KCNIP4: variants seen among roughly 807,000 people sequenced by gnomAD.
The protein encoded by KCNIP4 is Kv channel-interacting protein 4.
A neutral mutation model predicts 34.0 loss-of-function variants in KCNIP4; 12 were observed. The ratio of observed to expected loss-of-function variants is 0.35; its 90% confidence interval spans 0.23 to 0.57. KCNIP4 has a LOEUF of 0.57. KCNIP4 is among the 20% of genes least tolerant of loss of function. KCNIP4 has a pLI of 0.83. For missense variants in KCNIP4, 238 were observed against 311.7 expected (o/e 0.76, Z 1.78); for synonymous variants, 124 against 102.2 (o/e 1.21, Z -1.29).
In KCNIP4 at chr4:21,108,113, C is replaced by T. The variant is rs771308800; in HGVS notation, c.62-225404G>A. 7.9e-5 allele frequency among the ~76,000 whole-genome samples: 12 copies of T among 151,248 alleles called. 1 individual carries two copies. The highest frequency in any genetic ancestry group is 2.5e-4 in the African/African-American group (10 of 40,660). On this transcript the variant is annotated intron_variant, in intron 1 of 8. Coordinates refer to ENST00000382152, the MANE Select transcript of KCNIP4 (RefSeq NM_025221.6). ...CTCTTCTTGAGGAGTATCTTTGTGG[C>T]GTTCTCTGTATTTCCTGTATCTGAA... is the stretch of plus-strand genomic sequence containing the variant.
At chr4:21,543,047 A>C (rs1737836584) in intron 1 of KCNIP4, among the ~76,000 whole-genome samples, 1 of 152,044 alleles carries the variant, frequency 6.6e-6, no homozygotes, top group African/African-American at 2.4e-5. Flanking sequence ...ACTAAAGGAA[A>C]TCAATAGACA....
At chr4:21,325,067 A>G (rs544588758) in intron 1 of KCNIP4, among the ~76,000 whole-genome samples, 17 of 151,988 alleles carry the variant, frequency 1.1e-4, no homozygotes, top group African/African-American at 3.6e-4. Flanking sequence ...CACTGTTGAC[A>G]TATAGAAATA....
At chr4:21,838,666 G>C (rs890521520) in intron 1 of KCNIP4, among the ~76,000 whole-genome samples, 10 of 152,102 alleles carry the variant, frequency 6.6e-5, no homozygotes, top group Non-Finnish European at 1.2e-4. Flanking sequence ...TCAGCACTAT[G>C]TTCTGTGCTG....
chr4:21,736,627 T>C (rs2109120828), intron 1 of KCNIP4, among the ~76,000 whole-genome samples: 1 of 152,290 alleles, frequency 6.6e-6, no homozygotes, highest in South Asian at 2.1e-4. Context: ...ATACCAATTA[T>C]TATGTCACTT....
chr4:21,100,397 C>A (rs1005824100), intron 1 of KCNIP4, among the ~76,000 whole-genome samples: 1 of 151,968 alleles, frequency 6.6e-6, no homozygotes, highest in Non-Finnish European at 1.5e-5. Flanking sequence ...TCAAAAAATA[C>A]AAAAAATTAG....
chr4:20,850,903 A>T (rs1001474187), intron 2 of KCNIP4: 3 of 363,492 alleles, frequency 8.3e-6, no homozygotes, highest in Middle Eastern at 1.6e-3. Context: ...TTACAACCCT[A>T]GCATTGTTTT....
At chr4:21,073,917 C>A (rs1745220582) in intron 1 of KCNIP4, among the ~76,000 whole-genome samples, 1 of 152,112 alleles carries the variant, frequency 6.6e-6, no homozygotes, top group South Asian at 2.1e-4. Context: ...GTCTTTGGTT[C>A]TGTTTATATG....
intron 1 of KCNIP4, among the ~76,000 whole-genome samples, chr4:21,757,134 A>AGAAAGAAAGAAAGAAG: frequency 4.1e-5 from 1 of 24,384 alleles, no homozygotes; most frequent in East Asian, 1.6e-3. Flanking sequence ...AAAGAAAGAA[A>AGAAAGAAAGAAAGAAG]GAAAGAAAGA....
chr4:21,457,523 T>C (rs543416870), intron 1 of KCNIP4, among the ~76,000 whole-genome samples: 7 of 152,064 alleles, frequency 4.6e-5, no homozygotes, highest in Non-Finnish European at 1.0e-4. Flanking sequence ...AGAAATGTCT[T>C]CCTCTTAATA....
At chr4:21,334,476 A>G (rs1306211782) in intron 1 of KCNIP4, among the ~76,000 whole-genome samples, 1 of 152,036 alleles carries the variant, frequency 6.6e-6, no homozygotes, top group African/African-American at 2.4e-5. Context: ...TCTTTTAGGA[A>G]CAAGCTATTC....
At chr4:21,592,341 A>T (rs963668818) in intron 1 of KCNIP4, among the ~76,000 whole-genome samples, 1 of 152,158 alleles carries the variant, frequency 6.6e-6, no homozygotes, top group Non-Finnish European at 1.5e-5. Context: ...GCAAGAGAAC[A>T]AACAACATAT....
At chr4:21,883,713 C>T (rs957095678) in intron 1 of KCNIP4, among the ~76,000 whole-genome samples, 35 of 151,996 alleles carry the variant, frequency 2.3e-4, no homozygotes, top group Admixed American at 1.8e-3. Flanking sequence ...TATCTTTTTT[C>T]GGCTATAGGC....
intron 1 of KCNIP4, among the ~76,000 whole-genome samples, chr4:21,903,192 G>A (rs1440517743): frequency 6.6e-6 from 1 of 152,114 alleles, no homozygotes; most frequent in East Asian, 1.9e-4. Flanking sequence ...TAGAAGTATA[G>A]AATGATAGTT....
At chr4:21,216,810 G>T (rs1486754595) in intron 1 of KCNIP4, among the ~76,000 whole-genome samples, 1 of 152,068 alleles carries the variant, frequency 6.6e-6, no homozygotes, top group Non-Finnish European at 1.5e-5. Flanking sequence ...TGACATTTAA[G>T]ATAGAAAAAT....
At chr4:21,418,511 T>A (rs1169451796) in intron 1 of KCNIP4, among the ~76,000 whole-genome samples, 1 of 151,130 alleles carries the variant, frequency 6.6e-6, no homozygotes, top group African/African-American at 2.4e-5. Flanking sequence ...AAAGAAAAAA[T>A]AAATAAATAA....
At position 20,852,907 on chromosome 4, in the gene KCNIP4, T is replaced by C. The variant is rs141987075; in HGVS notation, c.164-2240A>G. ...CAAAAATATAAAATACTTAGGAATA[T>C]ACCTAACAAAGGAGTCAAAAGACCT... On this transcript the variant is annotated intron_variant, in intron 2 of 8. Coordinates refer to ENST00000382152, the MANE Select transcript of KCNIP4 (RefSeq NM_025221.6). 8.1e-3 allele frequency among the ~76,000 whole-genome samples: 1,240 copies of C among 152,150 alleles called. 53 individuals carry two copies. The highest frequency in any genetic ancestry group is 0.072 in the Admixed American group (1,107 of 15,270).
intron 3 of KCNIP4, among the ~76,000 whole-genome samples, chr4:20,838,373 G>A (rs1719320069): frequency 6.6e-6 from 1 of 152,140 alleles, no homozygotes; most frequent in South Asian, 2.1e-4. Flanking sequence ...AAACTTTTTA[G>A]GAATATTAAC....
intron 1 of KCNIP4, among the ~76,000 whole-genome samples, chr4:20,915,035 C>A (rs368331331): frequency 5.1e-4 from 78 of 152,250 alleles, no homozygotes; most frequent in African/African-American, 1.7e-3. Flanking sequence ...AGAAGAAAAA[C>A]AAGTTCTATC....
chr4:21,878,818 T>C (rs1485949483), intron 1 of KCNIP4, among the ~76,000 whole-genome samples: 2 of 152,184 alleles, frequency 1.3e-5, no homozygotes, highest in East Asian at 3.9e-4. Flanking sequence ...CTCTCGTTTT[T>C]ACAAAAAGGA....
Sources: allele counts gnomAD v4.1 joint callset (sites outside exome capture counted in the v4.1 genomes callset), GRCh38; gene constraint gnomAD v4.1.1; transcripts MANE v1.5; gene names NCBI Gene and HGNC (gene_info 2026-07-23, HGNC 2026-07-21).